CD247: variants seen among roughly 807,000 people sequenced by gnomAD.
The protein encoded by CD247 is CD247 molecule, also known as T-cell surface glycoprotein CD3 zeta chain.
Under a neutral mutation model 30.0 loss-of-function variants are expected in CD247, and 13 were observed. The observed-to-expected ratio is 0.43, with a 90% CI of 0.28 to 0.69. CD247 has a LOEUF of 0.69. Among genes scored for constraint, CD247 ranks in the 30% least tolerant of loss-of-function variants. The pLI is 0.16. For missense variants in CD247, 193 were observed against 212.6 expected (o/e 0.91, Z 0.57); for synonymous variants, 72 against 80.0 (o/e 0.90, Z 0.53).
At chr1:167,492,803 C>A (rs532438158) in intron 1 of CD247, among the ~76,000 whole-genome samples, 20 of 152,284 alleles carry the variant, frequency 1.3e-4, no homozygotes, top group Admixed American at 6.5e-4. Context: ...GGGGCCCCCC[C>A]AGAAGGTGTC....
At chr1:167,517,818 G>A (rs1281586560) in intron 1 of CD247, among the ~76,000 whole-genome samples, 10 of 152,168 alleles carry the variant, frequency 6.6e-5, no homozygotes, top group South Asian at 4.1e-4. Flanking sequence ...ATGAGGTGGC[G>A]AAGGCGCTGT....
chr1:167,505,367 A>T lies in CD247; in HGVS notation c.58+13041T>A, dbSNP rs16859110. Among the ~76,000 whole-genome samples the T allele has an allele frequency of 2.3e-3, 351 of 152,346 alleles. 9 individuals carry two copies. The East Asian group carries it at 0.024, about 10-fold the overall frequency. On this transcript the variant is annotated intron_variant, in intron 1 of 7. Transcript: ENST00000362089. ...TGGTATTTTTGTCACTTCTTCACTC[A>T]TTAAACTTTTACTGAACATCTTTAT...
chr1:167,456,158 G>T (rs1359568658), intron 1 of CD247, among the ~76,000 whole-genome samples: 7 of 152,202 alleles, frequency 4.6e-5, no homozygotes, highest in African/African-American at 1.7e-4. Flanking sequence ...AAGTTTCAGG[G>T]CTTTCCTGGC....
chr1:167,436,718 T>A (rs1436666285), intron 4 of CD247, among the ~76,000 whole-genome samples: 1 of 152,102 alleles, frequency 6.6e-6, no homozygotes, highest in African/African-American at 2.4e-5. Context: ...CTAAGAGACA[T>A]ATGAAAAAAT....
chr1:167,514,311 C>T (rs1342627162), intron 1 of CD247, among the ~76,000 whole-genome samples: 1 of 151,958 alleles, frequency 6.6e-6, no homozygotes, highest in Non-Finnish European at 1.5e-5. Context: ...TAATTTTTTG[C>T]ATTTTTTAGT....
rs538382725 is a variant in CD247, at chr1:167,501,519, CAG to C, written c.58+16887_58+16888del. 2.9e-3 allele frequency among the ~76,000 whole-genome samples: 448 copies of C among 152,382 alleles called. 4 individuals carry two copies. Among genetic ancestry groups the C allele is most frequent in the African/African-American group, 0.01 (418 of 41,592 alleles). ...TTTTCTTAACTAAAACACACTCACA[CAG>C]TTTTCCCTTGCAATTCAGGGCTGAA... On this transcript the variant is annotated intron_variant, in intron 1 of 7. Coordinates refer to ENST00000362089, the MANE Select transcript of CD247 (RefSeq NM_198053.3).
At chr1:167,458,897 CGGATCACTTGAGGCCA>C (rs1329425263) in intron 1 of CD247, among the ~76,000 whole-genome samples, 1 of 150,598 alleles carries the variant, frequency 6.6e-6, no homozygotes, top group African/African-American at 2.4e-5. Flanking sequence ...CTGAGGCAGG[CGGATCACTTGAGGCCA>C]GGAGTTCGAG....
chr1:167,512,855 C>T (rs1190474917), intron 1 of CD247, among the ~76,000 whole-genome samples: 1 of 152,224 alleles, frequency 6.6e-6, no homozygotes, highest in Non-Finnish European at 1.5e-5. Flanking sequence ...GCCTCCTCTC[C>T]TTCCACCATA....
chr1:167,492,154 AAAAC>A (rs1303711171), intron 1 of CD247, among the ~76,000 whole-genome samples: 1 of 151,970 alleles, frequency 6.6e-6, no homozygotes, highest in African/African-American at 2.4e-5. Flanking sequence ...ACCAGGCAAA[AAAAC>A]AAACAAACAA....
chr1:167,499,309 G>A (rs369275261), intron 1 of CD247, among the ~76,000 whole-genome samples: 18 of 152,210 alleles, frequency 1.2e-4, no homozygotes, highest in African/African-American at 4.3e-4. Flanking sequence ...CTGGCCCCAG[G>A]TGTTTTAGTG....
chr1:167,471,937 A>G (rs997729266), intron 1 of CD247, among the ~76,000 whole-genome samples: 6 of 150,046 alleles, frequency 4.0e-5, no homozygotes, highest in Admixed American at 6.7e-5. Context: ...GATTCAAGCA[A>G]TTCTCCTGCC....
intron 1 of CD247, among the ~76,000 whole-genome samples, chr1:167,516,259 G>A (rs1655602587): frequency 6.6e-6 from 1 of 152,258 alleles, no homozygotes; most frequent in African/African-American, 2.4e-5. Context: ...GGCTCTGCAG[G>A]CACAAGTGTG....
chr1:167,435,291 C>T (rs1651490581), intron 5 of CD247, 108 bp downstream of exon 5: 1 of 647,120 alleles, frequency 1.5e-6, no homozygotes, highest in East Asian at 3.8e-5. Context: ...TCCTCCAGCC[C>T]TTCCTCTGGA....
chr1:167,494,259 C>T lies in CD247; in HGVS notation c.58+24149G>A, dbSNP rs1436321422. 6.6e-6 allele frequency among the ~76,000 whole-genome samples: 1 copy of T among 152,106 alleles called. No individual in the cohort carries two copies. Among genetic ancestry groups the T allele is most frequent in the Non-Finnish European group, 1.5e-5 (1 of 68,012 alleles). On this transcript the variant is annotated intron_variant, in intron 1 of 7. Coordinates refer to ENST00000362089, the MANE Select transcript of CD247 (RefSeq NM_198053.3). This position sits in a 1 kb window ranked among gnomAD's most constrained non-coding sequence, Gnocchi z 7.3. The stretch of plus-strand genomic sequence containing the variant: ...TGATGGCCATGATCAATTCGGATCC[C>T]CAGGGCCAGTTCAGCAAAACCTCTG...
intron 1 of CD247, among the ~76,000 whole-genome samples, chr1:167,450,828 G>T (rs1422339351): frequency 6.6e-6 from 1 of 150,968 alleles, no homozygotes; most frequent in Non-Finnish European, 1.5e-5. Flanking sequence ...GAGGAGAATC[G>T]CTTGAACCCA....
chr1:167,487,619 A>G (rs1412665531), intron 1 of CD247, among the ~76,000 whole-genome samples: 15 of 152,220 alleles, frequency 9.9e-5, no homozygotes, highest in Admixed American at 7.9e-4. Flanking sequence ...AGGCAGGCAC[A>G]ACCCACCATT....
At chr1:167,456,031 G>C (rs936774363) in intron 1 of CD247, among the ~76,000 whole-genome samples, 2 of 147,440 alleles carry the variant, frequency 1.4e-5, no homozygotes, top group African/African-American at 4.9e-5. Context: ...CCCTTCCTCA[G>C]ATAGCAGGGA....
intron 1 of CD247, among the ~76,000 whole-genome samples, chr1:167,501,455 T>A (rs1654905191): frequency 6.6e-6 from 1 of 152,190 alleles, no homozygotes; most frequent in Non-Finnish European, 1.5e-5. Context: ...GGCCTATACA[T>A]CTGTTTTGTA....
chr1:167,439,387 G>A lies in CD247; in HGVS notation c.176C>T (p.Ala59Val). Residue 59 changes from alanine (A) to valine (V), a missense_variant, in exon 3 of 8, where the codon GCA becomes GTA. Coordinates refer to ENST00000362089, the MANE Select transcript of CD247 (RefSeq NM_198053.3). ...GCCCTGCTGGTACGCGGGGGCGTCT[G>A]CGCTCCTGCTGAACTGCAACACAGA... ...LFLRVKFSRS[A>V]DAPAYQQGQN... is the part of the protein sequence containing the mutation. 6.2e-7 allele frequency: 1 copy of A among 1,614,154 alleles called. No homozygotes were observed. Among genetic ancestry groups the A allele is most frequent in the East Asian group, 2.2e-5 (1 of 44,868 alleles).
Sources: allele counts gnomAD v4.1 joint callset (sites outside exome capture counted in the v4.1 genomes callset), GRCh38; gene constraint gnomAD v4.1.1; non-coding constraint Gnocchi (gnomAD v3.1); transcripts MANE v1.5; gene names NCBI Gene and HGNC (gene_info 2026-07-23, HGNC 2026-07-21).